The following OSBPL6 variants were observed in gnomAD, a reference collection of about 807,000 sequenced individuals.
OSBPL6 encodes oxysterol binding protein like 6, also known as oxysterol-binding protein-related protein 6.
Under a neutral mutation model 125.8 loss-of-function variants are expected in OSBPL6, and 49 were observed. The observed-to-expected ratio is 0.39, with a 90% CI of 0.31 to 0.49. OSBPL6 has a LOEUF of 0.49. OSBPL6 is among the 20% of genes least tolerant of loss of function. OSBPL6 has a pLI of 0.88. For synonymous variants in OSBPL6, 394 were observed against 391.8 expected (o/e 1.01, Z -0.07); for missense variants, 986 against 1,135.4 (o/e 0.87, Z 1.89).
At chr2:178,231,394 A>G (rs897764697) in intron 1 of OSBPL6, among the ~76,000 whole-genome samples, 2 of 152,116 alleles carry the variant, frequency 1.3e-5, no homozygotes, top group African/African-American at 2.4e-5. Flanking sequence ...CCCAGGTAGT[A>G]TATTACTATG....
intron 2 of OSBPL6, among the ~76,000 whole-genome samples, chr2:178,299,086 T>G (rs1016228650): frequency 1.3e-5 from 2 of 152,226 alleles, no homozygotes; most frequent in Non-Finnish European, 2.9e-5. Context: ...CCCAGTATTA[T>G]TTTTCTGTTA....
intron 1 of OSBPL6, among the ~76,000 whole-genome samples, chr2:178,281,761 G>A (rs112846955): frequency 4.0e-5 from 5 of 123,992 alleles, no homozygotes; most frequent in African/African-American, 1.5e-4. Context: ...AGAACGCATG[G>A]ACACAGGGAG....
chr2:178,374,102 A>C (rs1448503784), intron 15 of OSBPL6, 75 bp downstream of exon 15: 1 of 1,497,562 alleles, frequency 6.7e-7, no homozygotes, highest in Non-Finnish European at 9.1e-7. Flanking sequence ...AAAACTGTGG[A>C]ACTTTTTGGT....
chr2:178,294,759 A>G (rs1419579853), intron 2 of OSBPL6, among the ~76,000 whole-genome samples: 1 of 151,698 alleles, frequency 6.6e-6, no homozygotes, highest in African/African-American at 2.4e-5. Context: ...TTAAAAATCA[A>G]CAAATCAAAA....
intron 1 of OSBPL6, among the ~76,000 whole-genome samples, chr2:178,261,142 A>G (rs558309684): frequency 6.6e-6 from 1 of 152,066 alleles, no homozygotes; most frequent in Admixed American, 6.6e-5. Flanking sequence ...AAAACAAAAC[A>G]ATACAAACAA....
intron 15 of OSBPL6, among the ~76,000 whole-genome samples, chr2:178,378,973 C>T (rs556881810): frequency 7.2e-5 from 11 of 151,864 alleles, no homozygotes; most frequent in African/African-American, 1.4e-4. Flanking sequence ...GAGACCAGCC[C>T]GGGCAATACA....
chr2:178,258,915 G>A (rs1440508890), intron 1 of OSBPL6, among the ~76,000 whole-genome samples: 1 of 152,062 alleles, frequency 6.6e-6, no homozygotes, highest in African/African-American at 2.4e-5. Context: ...AATACTATTT[G>A]TTGAGTCTGG....
chr2:178,349,615 G>C (rs1691051610), intron 12 of OSBPL6, among the ~76,000 whole-genome samples: 2 of 152,166 alleles, frequency 1.3e-5, no homozygotes, highest in African/African-American at 4.8e-5. Context: ...GTGCCATGGG[G>C]TTGGGGATAA....
At chr2:178,277,530 G>GA (rs1218827824) in intron 1 of OSBPL6, among the ~76,000 whole-genome samples, 1 of 152,176 alleles carries the variant, frequency 6.6e-6, no homozygotes, top group African/African-American at 2.4e-5. Context: ...AAAAAAATCT[G>GA]AAAAAATTGG....
At chr2:178,233,158 C>T (rs2090904522) in intron 1 of OSBPL6, among the ~76,000 whole-genome samples, 2 of 152,124 alleles carry the variant, frequency 1.3e-5, no homozygotes, top group South Asian at 2.1e-4. Context: ...GAAACCTGTT[C>T]GATATTCTGA....
intron 2 of OSBPL6, among the ~76,000 whole-genome samples, chr2:178,291,125 T>C (rs896946227): frequency 1.3e-5 from 2 of 152,018 alleles, no homozygotes; most frequent in Non-Finnish European, 2.9e-5. Context: ...TTTTACCTTT[T>C]ATTATCACTA....
chr2:178,223,709 A>G (rs2090436279), intron 1 of OSBPL6, among the ~76,000 whole-genome samples: 1 of 152,142 alleles, frequency 6.6e-6, no homozygotes, highest in Non-Finnish European at 1.5e-5. Flanking sequence ...GTTCTTTTTA[A>G]TGATTTTAGC....
chr2:178,265,405 G>T (rs977759290), intron 1 of OSBPL6, among the ~76,000 whole-genome samples: 8 of 149,402 alleles, frequency 5.4e-5, no homozygotes, highest in African/African-American at 2.0e-4. Context: ...GTAGAGACAG[G>T]ATCTCCCTAT....
Position 178,332,886 on chromosome 2 carries a change from T to A in OSBPL6, c.502T>A (p.Trp168Arg). The A allele has an allele frequency of 6.2e-7, 1 of 1,612,342 alleles. No individual in the cohort carries two copies. Among genetic ancestry groups the A allele is most frequent in the East Asian group, 2.2e-5 (1 of 44,836 alleles). Residue 168 changes from tryptophan to arginine, a missense_variant, in exon 8 of 25, where the codon TGG (tryptophan) becomes AGG (arginine). By Grantham distance (101) the Trp-to-Arg change is moderately radical (BLOSUM62 -3). Around this residue, in one of 3 missense-constraint regions of OSBPL6, gnomAD observed 843 missense variants for 997.3 expected, o/e 0.85. Transcript: ENST00000190611. ...ATTGTTTTAGGTGAAATCCCAGGAC[T>A]GGTTTGATGCATGGGTCTCCAAACT... ...IYHLKVKSQD[W>R]FDAWVSKLRH...
intron 1 of OSBPL6, among the ~76,000 whole-genome samples, chr2:178,256,205 C>A (rs1454465557): frequency 6.6e-6 from 1 of 152,184 alleles, no homozygotes; most frequent in Non-Finnish European, 1.5e-5. Flanking sequence ...AGCACACTCC[C>A]TTAGCAAAAA....
intron 2 of OSBPL6, among the ~76,000 whole-genome samples, chr2:178,286,061 G>A (rs187619301): frequency 5.9e-5 from 9 of 152,254 alleles, no homozygotes; most frequent in East Asian, 5.8e-4. Context: ...GTTTAAAAGC[G>A]CATTTTAGAT....
intron 1 of OSBPL6, among the ~76,000 whole-genome samples, chr2:178,247,604 A>T (rs1049514528): frequency 3.3e-5 from 5 of 152,118 alleles, no homozygotes; most frequent in African/African-American, 1.2e-4. Flanking sequence ...TCACTGCCAC[A>T]ACAGCACCCC....
At chr2:178,254,640 A>C (rs1208896072) in intron 1 of OSBPL6, among the ~76,000 whole-genome samples, 1 of 152,222 alleles carries the variant, frequency 6.6e-6, no homozygotes, top group African/African-American at 2.4e-5. Flanking sequence ...ACAAGATGAA[A>C]ATTGAGAAAG....
At chr2:178,346,719 A>C (rs1397649418) in intron 11 of OSBPL6, among the ~76,000 whole-genome samples, 1 of 152,134 alleles carries the variant, frequency 6.6e-6, no homozygotes. Flanking sequence ...ATCCTATAAT[A>C]CCCAAATTGA....
Sources: allele counts gnomAD v4.1 joint callset (sites outside exome capture counted in the v4.1 genomes callset), GRCh38; gene constraint gnomAD v4.1.1; regional missense constraint gnomAD v4.1.1; transcripts MANE v1.5; gene names NCBI Gene and HGNC (gene_info 2026-07-23, HGNC 2026-07-21).